The following ANK2 variants were observed in gnomAD, a reference collection of about 807,000 sequenced individuals.
ANK2 encodes ankyrin-2.
ANK2 carries 83 observed loss-of-function variants against 360.5 expected under a neutral mutation model. The observed-to-expected ratio is 0.23, with a 90% CI of 0.19 to 0.28. The LOEUF is 0.28. Among genes scored for constraint, ANK2 ranks in the 10% least tolerant of loss-of-function variants. The pLI, the probability that ANK2 is intolerant of heterozygous loss-of-function variation, is 1.00. For synonymous variants in ANK2, 1,740 were observed against 1,759.5 expected, an observed-to-expected ratio of 0.99 and a Z score of 0.28; for missense variants, 4,201 against 4,795.7, an observed-to-expected ratio of 0.88 and a Z score of 3.66.
At chr4:113,241,569 G>T (rs1327971379) in intron 8 of ANK2, among the ~76,000 whole-genome samples, 1 of 152,120 alleles carries the variant, frequency 6.6e-6, no homozygotes, top group Admixed American at 6.6e-5. Flanking sequence ...TGAATTCCTG[G>T]CTTCAAGCAA....
chr4:113,113,663 T>C (rs2094502400), intron 1 of ANK2, among the ~76,000 whole-genome samples: 2 of 152,126 alleles, frequency 1.3e-5, no homozygotes, highest in African/African-American at 4.8e-5. Flanking sequence ...CAGCCAGAAT[T>C]ATATCTCTGC....
intron 22 of ANK2, among the ~76,000 whole-genome samples, chr4:113,298,322 A>G (rs1314622836): frequency 6.6e-6 from 1 of 152,222 alleles, no homozygotes; most frequent in Non-Finnish European, 1.5e-5. Flanking sequence ...AAACAAGTTT[A>G]GCTTGAACTC....
At chr4:113,285,004 C>A (rs2063818541) in intron 18 of ANK2, among the ~76,000 whole-genome samples, 1 of 152,126 alleles carries the variant, frequency 6.6e-6, no homozygotes, top group South Asian at 2.1e-4. Context: ...ATATTATAAT[C>A]ATTGTCCAAA....
the ANK2 span, among the ~76,000 whole-genome samples, chr4:112,777,473 C>A: frequency 6.6e-6 from 1 of 152,068 alleles, no homozygotes; most frequent in Non-Finnish European, 1.5e-5. Context: ...GATCTCCTGA[C>A]CTCGTGATCC....
intron 1 of ANK2, among the ~76,000 whole-genome samples, chr4:113,086,488 G>C (rs553818076): frequency 6.6e-6 from 1 of 152,188 alleles, no homozygotes; most frequent in Non-Finnish European, 1.5e-5. Context: ...TCTCTGGCAG[G>C]CCCTGTTCTA....
At chr4:112,827,141 C>A in intron 1 of ANK2, 1 of 1,117,746 alleles carries the variant, frequency 8.9e-7, no homozygotes, top group Non-Finnish European at 1.4e-6. Flanking sequence ...CATTGAATGA[C>A]TACTTACAAG....
In ANK2 at chr4:113,083,321, A is replaced by G. The variant is rs539399120; in HGVS notation, c.84+33509A>G. On this transcript the variant is annotated intron_variant, in intron 1 of 45. Coordinates refer to ENST00000357077, the MANE Select transcript of ANK2 (RefSeq NM_001148.6). ...AGCCTCCCTGAGTAGCTGGGATTAC[A>G]GGTGCTCGCCACCATGCCTGGCTAA... is the stretch of plus-strand genomic sequence containing the variant. 2.6e-4 allele frequency among the ~76,000 whole-genome samples: 40 copies of G among 152,252 alleles called. No homozygotes were observed. The South Asian group carries it at 4.8e-3, about 18-fold the overall frequency.
At chr4:112,850,340 T>TCCATCCATCCAG (rs2149943089) in intron 1 of ANK2, among the ~76,000 whole-genome samples, 1 of 149,342 alleles carries the variant, frequency 6.7e-6, no homozygotes, top group South Asian at 2.1e-4. Flanking sequence ...TGTCCATCCA[T>TCCATCCATCCAG]CCATCCATCC....
At chr4:113,274,680 C>A (rs2153689512) in intron 15 of ANK2, 31 bp downstream of exon 15, 1 of 1,609,248 alleles carries the variant, frequency 6.2e-7, no homozygotes. Flanking sequence ...AGAACATGGA[C>A]CAAGAGGATT....
At chr4:113,073,088 A>G (rs1308041194) in intron 1 of ANK2, among the ~76,000 whole-genome samples, 2 of 149,276 alleles carry the variant, frequency 1.3e-5, no homozygotes, top group Non-Finnish European at 3.0e-5. Context: ...CAGCTTCCCA[A>G]GTAGCTGGGA....
At position 113,383,039 on chromosome 4, in the gene ANK2, A is replaced by G. The variant is rs2097195526; in HGVS notation, c.*1568A>G. ...TATATATTCACAAATATATTCATATAAACAGTATACATTTTGAATCAGTCA... is the reference window on the plus strand; with the variant it reads ...TATATATTCACAAATATATTCATATGAACAGTATACATTTTGAATCAGTCA... On this transcript the variant is annotated 3_prime_UTR_variant, in exon 46 of 46. Coordinates refer to ENST00000357077, the MANE Select transcript of ANK2 (RefSeq NM_001148.6). 1.3e-5 allele frequency: 2 copies of G among 152,638 alleles called. No homozygotes were observed. The highest frequency in any genetic ancestry group is 2.9e-5 in the Non-Finnish European group (2 of 68,038). 9.5% of individuals were successfully genotyped at this position (152,638 alleles called of 1,614,324 possible). A position where few individuals can be genotyped will look rare whatever the true frequency, so the allele number is the denominator to read the frequency against.
Position 113,356,698 on chromosome 4 carries a change from C to T in ANK2, c.8080C>T (p.Pro2694Ser). The T allele has an allele frequency of 6.2e-7, 1 of 1,614,104 alleles. No individual in the cohort carries two copies. Among genetic ancestry groups the T allele is most frequent in the Non-Finnish European group, 8.5e-7 (1 of 1,179,988 alleles). ...EPVIRVQPPS[P>S]LPSSMDSNSS... ...AGTGATTCGAGTACAACCTCCTTCT[C>T]CACTTCCATCAAGCATGGACTCCAA... The change falls in exon 38 of 46, where the codon CCA (proline) becomes TCA (serine). Residue 2694 changes from proline to serine, a missense_variant. Around this residue, in one of 4 missense-constraint regions of ANK2, gnomAD observed 2,642 missense variants for 2,714.5 expected, o/e 0.97. Transcript: ENST00000357077.
intron 1 of ANK2, among the ~76,000 whole-genome samples, chr4:112,867,685 C>A (rs1171098352): frequency 1.6e-5 from 2 of 125,032 alleles, no homozygotes; most frequent in South Asian, 4.8e-4. Flanking sequence ...TTTTTTTTTT[C>A]ATTTGGCATA....
upstream of ANK2, among the ~76,000 whole-genome samples, chr4:112,813,607 C>T (rs1053968377): frequency 6.6e-6 from 1 of 152,110 alleles, no homozygotes; most frequent in African/African-American, 2.4e-5. Context: ...GTGATCATGG[C>T]TCACTGCAGC....
chr4:113,246,387 A>G (rs901125015), intron 9 of ANK2, among the ~76,000 whole-genome samples: 1 of 152,182 alleles, frequency 6.6e-6, no homozygotes, highest in South Asian at 2.1e-4. Context: ...TCTTGTTGGC[A>G]TTCTCATCAT....
chr4:113,112,736 G>GAGGC (rs2094427911), intron 1 of ANK2, among the ~76,000 whole-genome samples: 1 of 152,120 alleles, frequency 6.6e-6, no homozygotes, highest in Non-Finnish European at 1.5e-5. Context: ...ATGAGCTTGA[G>GAGGC]AGGCATACAC....
chr4:113,280,991 G>A (rs1287464194), intron 17 of ANK2, among the ~76,000 whole-genome samples: 1 of 152,120 alleles, frequency 6.6e-6, no homozygotes, highest in Non-Finnish European at 1.5e-5. Flanking sequence ...GTATTTTGAA[G>A]CATCTGGGAC....
At position 113,049,800 on chromosome 4, in the gene ANK2, A is replaced by C; in HGVS notation, c.72A>C (p.Lys24Asn). 6.2e-7 allele frequency: 1 copy of C among 1,613,772 alleles called. No homozygotes were observed. The highest frequency in any genetic ancestry group is 8.5e-7 in the Non-Finnish European group (1 of 1,179,772). Residue 24 changes from lysine to asparagine, a missense_variant, in exon 1 of 46, where the codon AAA (lysine) becomes AAC (asparagine). Physicochemically the swap from Lys to Asn is moderately conservative, Grantham distance 94 (BLOSUM62 0). Coordinates refer to ENST00000357077, the MANE Select transcript of ANK2 (RefSeq NM_001148.6). Reference sequence around the variant, plus strand: ...TCAACGGCAGTAGTCAGAGGAGAAAAAGACCCAAGAAGGTAAATCGCCGGA... The same window carrying C: ...TCAACGGCAGTAGTCAGAGGAGAAACAGACCCAAGAAGGTAAATCGCCGGA... ...EKFNGSSQRR[K>N]RPKKSDSNAS...
chr4:113,370,524 C>T (rs940077333), intron 43 of ANK2, among the ~76,000 whole-genome samples: 1 of 152,048 alleles, frequency 6.6e-6, no homozygotes, highest in Admixed American at 6.6e-5. Flanking sequence ...CTTTGGGAGG[C>T]TGAGGCGGGT....
Sources: allele counts gnomAD v4.1 joint callset (sites outside exome capture counted in the v4.1 genomes callset), GRCh38; gene constraint gnomAD v4.1.1; regional missense constraint gnomAD v4.1.1; transcripts MANE v1.5; gene names NCBI Gene and HGNC (gene_info 2026-07-23, HGNC 2026-07-21).